RANBP17: variants seen among roughly 807,000 people sequenced by gnomAD.
RANBP17 encodes the protein RAN binding protein 17.
In RANBP17, 158 loss-of-function variants were observed where a neutral mutation model predicts 141.2. The observed-to-expected ratio is 1.12, with a 90% confidence interval of 0.98 to 1.28. The LOEUF (loss-of-function observed/expected upper bound fraction) is 1.28, where lower values mean the gene tolerates loss of function less well. RANBP17 is among the 50% of genes most tolerant of loss of function. The pLI is 0.00. For missense variants in RANBP17, 1,438 were observed against 1,290.7 expected (o/e 1.11, Z -1.75); for synonymous variants, 430 against 450.0 (o/e 0.96, Z 0.56).
intron 22 of RANBP17, among the ~76,000 whole-genome samples, chr5:171,229,033 A>G (rs1764045076): frequency 6.6e-6 from 1 of 152,232 alleles, no homozygotes; most frequent in Non-Finnish European, 1.5e-5. Flanking sequence ...AGTTATGTAT[A>G]AATGATACTT....
At chr5:171,028,202 CCTAATA>C (rs1781342345) in intron 14 of RANBP17, among the ~76,000 whole-genome samples, 1 of 151,718 alleles carries the variant, frequency 6.6e-6, no homozygotes, top group Admixed American at 6.6e-5. Flanking sequence ...ATTGTAGAAT[CCTAATA>C]CTATTTAATG....
chr5:171,023,232 GC>G (rs1781001332), intron 14 of RANBP17, among the ~76,000 whole-genome samples: 1 of 152,208 alleles, frequency 6.6e-6, no homozygotes, highest in Admixed American at 6.5e-5. Context: ...TCTTGGCCCT[GC>G]CCCCAATATG....
chr5:170,888,414 A>G (rs191165541), intron 3 of RANBP17, among the ~76,000 whole-genome samples: 61 of 152,176 alleles, frequency 4.0e-4, no homozygotes, highest in African/African-American at 1.2e-3. Flanking sequence ...TTTTCCTCAT[A>G]TGGGTCTTGT....
chr5:170,867,781 A>T (rs931064198), intron 1 of RANBP17, among the ~76,000 whole-genome samples: 1 of 152,152 alleles, frequency 6.6e-6, no homozygotes, highest in African/African-American at 2.4e-5. Context: ...AATGTGTGTA[A>T]ACTGTGCAAT....
At chr5:171,213,831 G>A in intron 21 of RANBP17, 93 bp downstream of exon 21, 1 of 950,332 alleles carries the variant, frequency 1.1e-6, no homozygotes, top group Non-Finnish European at 1.7e-6. Flanking sequence ...GTCTTTCCAA[G>A]GTAGTTAGCA....
chr5:170,926,403 A>G (rs1772923253), intron 12 of RANBP17, among the ~76,000 whole-genome samples: 1 of 152,138 alleles, frequency 6.6e-6, no homozygotes, highest in Admixed American at 6.6e-5. Context: ...CTGCTGATTA[A>G]TAAGTTTAGT....
In RANBP17 at chr5:170,953,130, A is replaced by G. The variant is rs370244008; in HGVS notation, c.1469-467A>G. Among the ~76,000 whole-genome samples, 4 of 152,114 alleles carry G rather than the reference A, an allele frequency of 2.6e-5. No individual in the cohort carries two copies. The South Asian group carries it at 8.3e-4, about 31-fold the overall frequency. On this transcript the variant is annotated intron_variant, in intron 12 of 27. Transcript: ENST00000523189. ...TGTTCCAAGCAGGGGAAATATTTAA[A>G]ATGATCACACTGGTACTATCATGAC...
intron 14 of RANBP17, among the ~76,000 whole-genome samples, chr5:171,133,145 A>G (rs1287403486): frequency 6.6e-6 from 1 of 152,114 alleles, no homozygotes; most frequent in Non-Finnish European, 1.5e-5. Context: ...CAGCCTCCCA[A>G]AGTGCTGGGA....
chr5:171,260,300 CAAAAA>C (rs35656692), intron 24 of RANBP17, among the ~76,000 whole-genome samples: 2 of 108,592 alleles, frequency 1.8e-5, no homozygotes, highest in Admixed American at 1.0e-4. Flanking sequence ...GACTCCATCT[CAAAAA>C]AAAAAAAAAA....
chr5:170,925,626 G>A (rs369962242), intron 12 of RANBP17, among the ~76,000 whole-genome samples: 2 of 152,040 alleles, frequency 1.3e-5, no homozygotes, highest in Non-Finnish European at 2.9e-5. Flanking sequence ...CAGCATCTTT[G>A]TTCCTCTTTC....
At chr5:171,159,741 GAATCCTCGTCTCTACTAAAAAAA>G (rs957023830) in intron 14 of RANBP17, among the ~76,000 whole-genome samples, 2 of 151,730 alleles carry the variant, frequency 1.3e-5, no homozygotes, top group Non-Finnish European at 2.9e-5. Flanking sequence ...CTAACACGGT[GAATCCTCGTCTCTACTAAAAAAA>G]TACAAAAACT....
chr5:171,202,952 G>A (rs771995222), intron 19 of RANBP17, among the ~76,000 whole-genome samples: 3 of 152,218 alleles, frequency 2.0e-5, no homozygotes, highest in Non-Finnish European at 2.9e-5. Flanking sequence ...TGGGGGTCAG[G>A]GTGGAAGGAG....
chr5:171,240,299 T>G (rs2127995630), intron 22 of RANBP17, among the ~76,000 whole-genome samples: 1 of 152,304 alleles, frequency 6.6e-6, no homozygotes, highest in South Asian at 2.1e-4. Flanking sequence ...CTTCTGATGG[T>G]CAACGCAGAA....
chr5:170,976,638 T>C (rs548757680), intron 14 of RANBP17, among the ~76,000 whole-genome samples: 1 of 152,188 alleles, frequency 6.6e-6, no homozygotes, highest in Non-Finnish European at 1.5e-5. Flanking sequence ...ATAGTAATTA[T>C]AGTAAGACAG....
rs547453406 is a variant in RANBP17, at chr5:171,224,163, G to C, written c.2422+2323G>C. 6.6e-5 allele frequency among the ~76,000 whole-genome samples: 10 copies of C among 152,288 alleles called. No individual in the cohort carries two copies. In the East Asian group the frequency reaches 1.9e-3, roughly 29 times the overall value. ...CCACATCATTGTTTTGCTCAGCAGT[G>C]TTTCCTGTTTGGACCACACTGCCCT... On this transcript the variant is annotated intron_variant, in intron 22 of 27. Transcript: ENST00000523189.
intron 24 of RANBP17, among the ~76,000 whole-genome samples, chr5:171,257,735 C>G (rs1442634159): frequency 6.6e-6 from 1 of 152,080 alleles, no homozygotes; most frequent in Non-Finnish European, 1.5e-5. Flanking sequence ...GTACAAAAAT[C>G]AATAGTATTT....
intron 22 of RANBP17, among the ~76,000 whole-genome samples, chr5:171,228,618 T>G (rs1764019995): frequency 2.0e-5 from 3 of 152,234 alleles, no homozygotes; most frequent in Non-Finnish European, 4.4e-5. Flanking sequence ...AACAGCATTG[T>G]ATGCTACAGA....
chr5:171,006,567 A>G (rs923330719), intron 14 of RANBP17, among the ~76,000 whole-genome samples: 9 of 152,138 alleles, frequency 5.9e-5, no homozygotes, highest in South Asian at 2.1e-4. Flanking sequence ...GGACACAGGA[A>G]GGGGAACATC....
chr5:171,252,680 C>A, intron 24 of RANBP17: 2 of 1,448,204 alleles, frequency 1.4e-6, no homozygotes, highest in South Asian at 2.3e-5. Flanking sequence ...TTTAACACTT[C>A]AGGTGATGCC....
Sources: allele counts gnomAD v4.1 joint callset (sites outside exome capture counted in the v4.1 genomes callset), GRCh38; gene constraint gnomAD v4.1.1; transcripts MANE v1.5; gene names NCBI Gene and HGNC (gene_info 2026-07-23, HGNC 2026-07-21).